The following AGBL3 variants were observed in gnomAD, a reference collection of about 807,000 sequenced individuals.
AGBL3 encodes the protein AGBL carboxypeptidase 3.
AGBL3 carries 68 observed loss-of-function variants against 94.5 expected under a neutral mutation model. The ratio of observed to expected loss-of-function variants is 0.72; its 90% confidence interval spans 0.59 to 0.88. The LOEUF (loss-of-function observed/expected upper bound fraction) is 0.88. Ranked by LOEUF, AGBL3 falls within the 40% of genes least tolerant of loss-of-function variation. AGBL3 has a pLI of 0.00. For synonymous variants in AGBL3, 354 were observed against 370.7 expected (o/e 0.95, Z 0.52); for missense variants, 934 against 1,103.8 (o/e 0.85, Z 2.18).
At chr7:135,033,494 G>A (rs867043348) in intron 6 of AGBL3, among the ~76,000 whole-genome samples, 2 of 152,256 alleles carry the variant, frequency 1.3e-5, no homozygotes, top group South Asian at 2.1e-4. Context: ...CATGCTAAGT[G>A]CAGAGTGCTT....
Position 135,071,077 on chromosome 7 carries a change from C to T in AGBL3, c.1909-5320C>T, listed in dbSNP as rs371201229. On this transcript the variant is annotated intron_variant, in intron 12 of 16. Transcript: ENST00000436302. Reference sequence around the variant, plus strand: ...AAAATTCACAAGCATTCTTATACAGCGATAACAGACAGAGAGCCAAATCAT... The same window carrying T: ...AAAATTCACAAGCATTCTTATACAGTGATAACAGACAGAGAGCCAAATCAT... Among the ~76,000 whole-genome samples the T allele has an allele frequency of 2.8e-4, 43 of 152,144 alleles. No individual in the cohort carries two copies. In the East Asian group the frequency reaches 4.4e-3, roughly 16 times the overall value.
intron 15 of AGBL3, among the ~76,000 whole-genome samples, chr7:135,082,566 GA>G (rs113361740): frequency 0.49 from 73,593 of 151,718 alleles, 18,184 homozygotes; most frequent in South Asian, 0.66. Context: ...TGCAGTTTAA[GA>G]TTATATTTCT....
chr7:135,044,802 T>C (rs1201844493), intron 9 of AGBL3, among the ~76,000 whole-genome samples: 2 of 149,930 alleles, frequency 1.3e-5, no homozygotes, highest in Non-Finnish European at 3.0e-5. Flanking sequence ...CTTGCTGGTG[T>C]GCTGCACCCA....
intron 3 of AGBL3, among the ~76,000 whole-genome samples, chr7:134,990,030 A>G (rs1019979877): frequency 1.3e-5 from 2 of 152,176 alleles, no homozygotes; most frequent in Non-Finnish European, 2.9e-5. Context: ...TTGCCAAGCT[A>G]TTAGAAAACA....
rs1481614761 is a variant in AGBL3, at chr7:135,034,216, T to C, written c.625T>C (p.Tyr209His). Residue 209 changes from tyrosine (Y) to histidine (H), a missense_variant, in exon 7 of 17, where the codon TAT becomes CAT. Tyr to His is a moderately conservative substitution (Grantham distance 83). Around this residue, in one of 3 missense-constraint regions of AGBL3, gnomAD observed 488 missense variants for 563.6 expected, o/e 0.87. Transcript: ENST00000436302. ...CACAAATAAACACACCCAGTGGTACTATTTCCAAGTCACTAATATGCGAGC... is the reference window on the plus strand; with the variant it reads ...CACAAATAAACACACCCAGTGGTACCATTTCCAAGTCACTAATATGCGAGC... ...LFTNKHTQWYYFQVTNMRAGI... is the reference protein window; with the variant it reads ...LFTNKHTQWYHFQVTNMRAGI... 6.4e-7 allele frequency: 1 copy of C among 1,551,692 alleles called. No homozygotes were observed. Among genetic ancestry groups the C allele is most frequent in the South Asian group, 1.2e-5 (1 of 84,064 alleles).
intron 5 of AGBL3, among the ~76,000 whole-genome samples, chr7:135,020,453 T>C (rs1307769838): frequency 6.6e-6 from 1 of 152,206 alleles, no homozygotes; most frequent in Non-Finnish European, 1.5e-5. Context: ...ACTTTTACAC[T>C]GTTGGTGGGA....
chr7:134,987,094 C>CT (rs1212537820), intron 1 of AGBL3, among the ~76,000 whole-genome samples: 1 of 152,236 alleles, frequency 6.6e-6, no homozygotes, highest in African/African-American at 2.4e-5. Context: ...TTTCTTAGGA[C>CT]TGAAGGTGTC....
intron 16 of AGBL3, 147 bp downstream of exon 16, chr7:135,115,758 A>G (rs1472145484): frequency 1.7e-5 from 11 of 630,832 alleles, no homozygotes; most frequent in Non-Finnish European, 2.9e-5. Context: ...ACAAAGACCC[A>G]AAGCTGTCAG....
intron 12 of AGBL3, among the ~76,000 whole-genome samples, chr7:135,073,157 G>T (rs1310828328): frequency 6.6e-6 from 1 of 152,046 alleles, no homozygotes; most frequent in Non-Finnish European, 1.5e-5. Context: ...TCGGGGAGAT[G>T]TTAGTCAAGG....
chr7:134,987,816 C>A (rs1292359813), intron 1 of AGBL3, 59 bp from the exon 2 acceptor site: 1 of 688,282 alleles, frequency 1.5e-6, no homozygotes, highest in Non-Finnish European at 2.5e-6. Context: ...TTTGAGTACT[C>A]ATTTAATGTA....
At chr7:135,128,691 C>T (rs1270033329) in intron 16 of AGBL3, 25 of 1,318,464 alleles carry the variant, frequency 1.9e-5, no homozygotes, top group Non-Finnish European at 2.6e-5. Context: ...TATTGTCTCT[C>T]CTTTTGAGCT....
chr7:134,998,633 C>T (rs1811310953), intron 4 of AGBL3, among the ~76,000 whole-genome samples: 1 of 152,168 alleles, frequency 6.6e-6, no homozygotes, highest in Admixed American at 6.5e-5. Flanking sequence ...TATATAGGTA[C>T]AGAACTAGTG....
intron 16 of AGBL3, among the ~76,000 whole-genome samples, chr7:135,121,565 A>T (rs1289933272): frequency 6.6e-6 from 1 of 152,184 alleles, no homozygotes; most frequent in Non-Finnish European, 1.5e-5. Flanking sequence ...AAAAAAAAAA[A>T]AACCTAAACA....
chr7:135,021,441 A>G (rs1327272149), intron 5 of AGBL3, among the ~76,000 whole-genome samples: 2 of 151,322 alleles, frequency 1.3e-5, no homozygotes, highest in African/African-American at 2.4e-5. Context: ...ACAGGCGCCC[A>G]CCACCACGCC....
Position 135,034,411 on chromosome 7 carries a change from G to T in AGBL3, c.820G>T (p.Gly274Trp), listed in dbSNP as rs1464329760. ...KYYRNNPGQD[G>W]RHYFSLTWTF... Reference sequence around the variant, plus strand: ...TTATAGGAACAACCCAGGCCAAGATGGGCGCCATTATTTCTCTCTTACATG... The same window carrying T: ...TTATAGGAACAACCCAGGCCAAGATTGGCGCCATTATTTCTCTCTTACATG... Residue 274 changes from glycine (G) to tryptophan (W), a missense_variant, in exon 7 of 17, where the codon GGG (glycine) becomes TGG (tryptophan). Around this residue, in one of 3 missense-constraint regions of AGBL3, gnomAD observed 488 missense variants for 563.6 expected, o/e 0.87. Transcript: ENST00000436302. 6.4e-7 allele frequency: 1 copy of T among 1,551,634 alleles called. No individual in the cohort carries two copies. The highest frequency in any genetic ancestry group is 2.4e-5 in the East Asian group (1 of 40,922).
At chr7:135,001,984 A>G (rs1042233467) in intron 4 of AGBL3, among the ~76,000 whole-genome samples, 1 of 152,168 alleles carries the variant, frequency 6.6e-6, no homozygotes, top group Non-Finnish European at 1.5e-5. Context: ...CACAGCTGCT[A>G]CTTCACACCA....
Position 135,042,667 on chromosome 7 carries a change from C to T in AGBL3, c.1501-1358C>T, listed in dbSNP as rs577976104. On this transcript the variant is annotated intron_variant, in intron 8 of 16. Transcript: ENST00000436302. The stretch of plus-strand genomic sequence containing the variant: ...GCCCATACCTGTAATCCCAGCACTT[C>T]GGAAGACCAAGGCAGGAGGATGGCA... Among the ~76,000 whole-genome samples, 6 of 152,072 alleles carry T rather than the reference C, an allele frequency of 3.9e-5. No homozygotes were observed. The East Asian group carries it at 5.8e-4, about 15-fold the overall frequency.
chr7:135,012,982 TTAAAAA>T (rs1249105168), intron 4 of AGBL3, among the ~76,000 whole-genome samples: 1 of 152,056 alleles, frequency 6.6e-6, no homozygotes, highest in Non-Finnish European at 1.5e-5. Flanking sequence ...TAAGAGACAG[TTAAAAA>T]TGAAAAGGAA....
intron 4 of AGBL3, chr7:135,012,390 G>T (rs1297462520): frequency 6.6e-6 from 1 of 152,150 alleles, no homozygotes; most frequent in Non-Finnish European, 1.5e-5. Context: ...GAGTATGTAA[G>T]GTGCTTGCAA....
Sources: gnomAD v4.1 joint callset for allele counts (sites outside exome capture counted in the v4.1 genomes callset) on GRCh38, gnomAD v4.1.1 for gene constraint, gnomAD v4.1.1 regional missense constraint, MANE v1.5 for transcripts, NCBI Gene and HGNC (gene_info 2026-07-23, HGNC 2026-07-21) for gene names.